The following SOCS7 variants were observed in gnomAD, a reference collection of about 807,000 sequenced individuals.
SOCS7 encodes suppressor of cytokine signaling 7, also known as NAP-4.
In SOCS7, 18 loss-of-function variants were observed where a neutral mutation model predicts 58.9. The ratio of observed to expected loss-of-function variants is 0.31; its 90% CI spans 0.21 to 0.45. The LOEUF (loss-of-function observed/expected upper bound fraction) is 0.45. Ranked by LOEUF, SOCS7 falls within the 20% of genes least tolerant of loss-of-function variation. The pLI is 1.00. For synonymous variants in SOCS7, 388 were observed against 364.3 expected, an observed-to-expected ratio of 1.06 and a Z score of -0.74; for missense variants, 667 against 837.3, an observed-to-expected ratio of 0.80 and a Z score of 2.51.
At chr17:38,393,602 A>C (rs1263993443) in intron 7 of SOCS7, among the ~76,000 whole-genome samples, 1 of 152,050 alleles carries the variant, frequency 6.6e-6, no homozygotes, top group Non-Finnish European at 1.5e-5. Context: ...GCGCCACTGC[A>C]CTCCAGCCTG....
intron 7 of SOCS7, among the ~76,000 whole-genome samples, chr17:38,381,053 T>C (rs1317214011): frequency 6.6e-6 from 1 of 152,082 alleles, no homozygotes; most frequent in Non-Finnish European, 1.5e-5. Context: ...CGGTCTGTTA[T>C]TGGAAGAGGT....
In SOCS7 at chr17:38,358,583, GT is replaced by G. The variant is rs58125108; in HGVS notation, c.981-3115del. On this transcript the variant is annotated intron_variant, in intron 1 of 9. Coordinates refer to ENST00000612932, the MANE Select transcript of SOCS7 (RefSeq NM_014598.4). ...TGTATTAGTATCTTGCTTTGTTGTT[GT>G]TTTTTTTTTTTTATTGTCATCTAGA... is the stretch of plus-strand genomic sequence containing the variant. Among the ~76,000 whole-genome samples the G allele has an allele frequency of 6.7e-3, 934 of 138,962 alleles. 4 individuals carry two copies. The highest frequency in any genetic ancestry group is 0.019 in the Middle Eastern group (5 of 262). 91.2% of individuals were successfully genotyped at this position (138,962 alleles called of 152,430 possible).
chr17:38,390,432 T>G (rs2144393867), intron 7 of SOCS7, among the ~76,000 whole-genome samples: 1 of 152,284 alleles, frequency 6.6e-6, no homozygotes, highest in Non-Finnish European at 1.5e-5. Context: ...GATCAGATTG[T>G]CAATTTCTGC....
At chr17:38,367,860 G>T (rs1555568615) in intron 5 of SOCS7, 22 bp from the exon 6 acceptor site, 2 of 1,609,652 alleles carry the variant, frequency 1.2e-6, no homozygotes, top group East Asian at 4.5e-5. Context: ...ATAACTAGTG[G>T]ACTGCTTCTT....
chr17:38,362,976 A>G (rs976139526), intron 2 of SOCS7, among the ~76,000 whole-genome samples: 1 of 152,084 alleles, frequency 6.6e-6, no homozygotes. Flanking sequence ...TAGCTGGGGC[A>G]TGGTGCCGCA....
intron 7 of SOCS7, among the ~76,000 whole-genome samples, chr17:38,391,063 A>T (rs1391816859): frequency 1.3e-5 from 2 of 151,716 alleles, no homozygotes. Context: ...TTTGTTTTTG[A>T]TCCTATTGTA....
chr17:38,365,174 C>A, intron 3 of SOCS7, 134 bp from the exon 4 acceptor site: 1 of 646,036 alleles, frequency 1.5e-6, no homozygotes, highest in Non-Finnish European at 2.6e-6. Context: ...GCCCTCTGTG[C>A]AAAAAGACTG....
intron 7 of SOCS7, among the ~76,000 whole-genome samples, chr17:38,386,782 C>T (rs2038073012): frequency 6.6e-6 from 1 of 151,792 alleles, no homozygotes; most frequent in South Asian, 2.1e-4. Context: ...TTGAAGGTGA[C>T]CATTTGAAAA....
intron 7 of SOCS7, among the ~76,000 whole-genome samples, chr17:38,383,657 A>C (rs537196438): frequency 2.8e-4 from 42 of 152,108 alleles, no homozygotes; most frequent in African/African-American, 9.2e-4. Context: ...TCCTGGGTTC[A>C]AGCAATTCTC....
intron 6 of SOCS7, among the ~76,000 whole-genome samples, chr17:38,377,403 A>T (rs951682088): frequency 2.0e-5 from 3 of 152,216 alleles, no homozygotes; most frequent in African/African-American, 7.2e-5. Context: ...GTATAATGCA[A>T]ATATTCCAAA....
intron 7 of SOCS7, among the ~76,000 whole-genome samples, chr17:38,378,452 T>G (rs889896806): frequency 6.6e-6 from 1 of 152,048 alleles, no homozygotes; most frequent in African/African-American, 2.4e-5. Context: ...AGGTCGAGGC[T>G]TCAGTGAGCT....
intron 1 of SOCS7, 37 bp from the exon 2 acceptor site, chr17:38,361,674 C>G: frequency 1.3e-6 from 2 of 1,527,516 alleles, no homozygotes; most frequent in Non-Finnish European, 1.8e-6. Flanking sequence ...GTGTTCATTT[C>G]TCCCCTCTAT....
intron 9 of SOCS7, among the ~76,000 whole-genome samples, chr17:38,397,043 C>T (rs987241473): frequency 7.2e-5 from 11 of 152,120 alleles, no homozygotes; most frequent in African/African-American, 2.4e-4. Context: ...TAGAGGACCA[C>T]GTCTGTGGGT....
intron 6 of SOCS7, among the ~76,000 whole-genome samples, chr17:38,371,336 G>A (rs916984015): frequency 7.3e-5 from 11 of 150,926 alleles, no homozygotes; most frequent in African/African-American, 2.4e-4. Flanking sequence ...GTGCAGTGGC[G>A]CGATCTCAGC....
At chr17:38,387,863 G>A (rs188695082) in intron 7 of SOCS7, among the ~76,000 whole-genome samples, 2 of 148,656 alleles carry the variant, frequency 1.3e-5, no homozygotes, top group South Asian at 2.1e-4. Context: ...TCCGACTCCC[G>A]GGTTCAAGCG....
chr17:38,402,148 T>A lies in SOCS7; in HGVS notation c.*2666T>A, dbSNP rs572821561. 1.3e-5 allele frequency: 2 copies of A among 152,494 alleles called. No individual in the cohort carries two copies. Among genetic ancestry groups the A allele is most frequent in the Admixed American group, 1.3e-4 (2 of 15,296 alleles). 9.4% of individuals were successfully genotyped at this position (152,494 alleles called of 1,614,324 possible). A position where few individuals can be genotyped will look rare whatever the true frequency, so the allele number is the denominator to read the frequency against. ...AACTGTGTCTGTGTCAGTGCACTGGTCCCAGCCCTGGCCGCAGCCTAGTCC... is the reference window on the plus strand; with the variant it reads ...AACTGTGTCTGTGTCAGTGCACTGGACCCAGCCCTGGCCGCAGCCTAGTCC... On this transcript the variant is annotated 3_prime_UTR_variant, in exon 10 of 10. Coordinates refer to ENST00000612932, the MANE Select transcript of SOCS7 (RefSeq NM_014598.4).
Position 38,351,961 on chromosome 17 carries a change from C to CG in SOCS7, c.-87dup. Among the ~76,000 whole-genome samples, 1 of 151,288 alleles carries CG rather than the reference C, an allele frequency of 6.6e-6. No individual in the cohort carries two copies. Among genetic ancestry groups the CG allele is most frequent in the East Asian group, 1.9e-4 (1 of 5,134 alleles). ...GCGGCGGCCGTTAGCGCTGTCGCTC[C>CG]GGGGGCCGCGGCGGGCGGGGCTCCG... On this transcript the variant is annotated 5_prime_UTR_variant, in exon 1 of 10. An upstream open reading frame in the 5' UTR loses its in-frame stop. Coordinates refer to ENST00000612932, the MANE Select transcript of SOCS7 (RefSeq NM_014598.4).
intron 7 of SOCS7, among the ~76,000 whole-genome samples, chr17:38,381,775 G>A (rs1030139717): frequency 6.6e-6 from 1 of 150,888 alleles, no homozygotes; most frequent in Non-Finnish European, 1.5e-5. Flanking sequence ...ACCACCCTGG[G>A]CAATATGGTG....
intron 7 of SOCS7, among the ~76,000 whole-genome samples, chr17:38,385,242 CT>C (rs1191728630): frequency 2.6e-5 from 4 of 151,684 alleles, no homozygotes; most frequent in African/African-American, 7.3e-5. Flanking sequence ...TTCTTTTTCC[CT>C]TTTTTTCTTG....
Sources: gnomAD v4.1 joint callset for allele counts (sites outside exome capture counted in the v4.1 genomes callset) on GRCh38, gnomAD v4.1.1 for gene constraint, MANE v1.5 for transcripts, NCBI Gene and HGNC (gene_info 2026-07-23, HGNC 2026-07-21) for gene names.